The following AGAP1 variants were observed in gnomAD, a reference collection of about 807,000 sequenced individuals.
AGAP1 encodes the protein ArfGAP with GTPase domain, ankyrin repeat and PH domain 1, also known as arf-GAP with GTPase, ANK repeat and PH domain-containing protein 1.
Under a neutral mutation model 105.3 loss-of-function variants are expected in AGAP1, and 29 were observed. The ratio of observed to expected loss-of-function variants is 0.28; its 90% CI spans 0.21 to 0.38. The LOEUF (loss-of-function observed/expected upper bound fraction) is 0.38, where lower values mean the gene tolerates loss of function less well. Ranked by LOEUF, AGAP1 falls within the 10% of genes least tolerant of loss-of-function variation. The probability of loss-of-function intolerance (pLI) is 1.00; values close to 1 mark genes in which losing one functional copy is unlikely to be tolerated. For synonymous variants in AGAP1, 509 were observed against 485.9 expected, an observed-to-expected ratio of 1.05 and a Z score of -0.63; for missense variants, 998 against 1,165.1, an observed-to-expected ratio of 0.86 and a Z score of 2.09.
intron 1 of AGAP1, among the ~76,000 whole-genome samples, chr2:235,672,906 T>C (rs554913045): frequency 6.6e-6 from 1 of 152,350 alleles, no homozygotes; most frequent in East Asian, 1.9e-4. Context: ...ATAGTAATGC[T>C]CAGTTTGTTC....
In AGAP1 at chr2:235,785,060, T is replaced by G. The variant is rs76159311; in HGVS notation, c.674-12699T>G. Reference sequence around the variant, plus strand: ...CACAGGGCCACCGCTGCTGGCTCATTATTAACAGAGCAGGGAGGAGACGAA... The same window carrying G: ...CACAGGGCCACCGCTGCTGGCTCATGATTAACAGAGCAGGGAGGAGACGAA... On this transcript the variant is annotated intron_variant, in intron 6 of 17. Coordinates refer to ENST00000304032, the MANE Select transcript of AGAP1 (RefSeq NM_001037131.3). Among the ~76,000 whole-genome samples the G allele has an allele frequency of 1.5e-4, 23 of 152,340 alleles. No homozygotes were observed. In the East Asian group the frequency reaches 4.4e-3, roughly 29 times the overall value.
rs2049617223 is a variant in AGAP1 at position 235,874,593 on chromosome 2, G to A, written c.1051-8752G>A. Among the ~76,000 whole-genome samples, 1 of 152,206 alleles carries A rather than the reference G, an allele frequency of 6.6e-6. No homozygotes were observed. The highest frequency in any genetic ancestry group is 2.4e-5 in the African/African-American group (1 of 41,464). On this transcript the variant is annotated intron_variant, in intron 9 of 17. Coordinates refer to ENST00000304032, the MANE Select transcript of AGAP1 (RefSeq NM_001037131.3). The surrounding 1 kb of genome is among the most constrained non-coding windows in gnomAD (Gnocchi z 4.5). The stretch of plus-strand genomic sequence containing the variant: ...ACAGCAGACGGGTTTGGGTGGGACT[G>A]GAGTGAGCTCAAGATTCTGTGCAGG...
rs2055588341 is a variant in AGAP1, at chr2:235,992,060, G to A, written c.1645+23437G>A. On this transcript the variant is annotated intron_variant, in intron 13 of 17. Transcript: ENST00000304032. The surrounding 1 kb of genome is among the most constrained non-coding windows in gnomAD (Gnocchi z 4.8). ...TCAGTTGGTGTCTCCTCTGTCCACAGGACATGGCCGTAGCCGTGTGTGGAG... is the reference window on the plus strand; with the variant it reads ...TCAGTTGGTGTCTCCTCTGTCCACAAGACATGGCCGTAGCCGTGTGTGGAG... Among the ~76,000 whole-genome samples, 1 of 152,240 alleles carries A rather than the reference G, an allele frequency of 6.6e-6. No individual in the cohort carries two copies. Among genetic ancestry groups the A allele is most frequent in the African/African-American group, 2.4e-5 (1 of 41,476 alleles).
Position 235,566,517 on chromosome 2 carries a change from AATC to A in AGAP1, c.163+71673_163+71675del, listed in dbSNP as rs1944351458. On this transcript the variant is annotated intron_variant, in intron 1 of 17. Transcript: ENST00000304032. This position sits in a 1 kb window ranked among gnomAD's most constrained non-coding sequence, Gnocchi z 5.2. Reference sequence around the variant, plus strand: ...GCATTCATAAACAGTGAAAAGCACAAATCATCAGTGCGCCGTACGTTTTGGCCA... The same window carrying A: ...GCATTCATAAACAGTGAAAAGCACAAATCAGTGCGCCGTACGTTTTGGCCA... The A allele has an allele frequency of 1.1e-6, 1 of 936,736 alleles. No individual in the cohort carries two copies. The highest frequency in any genetic ancestry group is 1.3e-6 in the Non-Finnish European group (1 of 785,522). The allele number at this position is 936,736 out of a possible 1,614,324, so 58.0% of individuals were successfully genotyped here. A position where few individuals can be genotyped will look rare whatever the true frequency, so the allele number is the denominator to read the frequency against.
At chr2:235,933,655 C>T (rs944038688) in intron 12 of AGAP1, among the ~76,000 whole-genome samples, 2 of 151,800 alleles carry the variant, frequency 1.3e-5, no homozygotes, top group African/African-American at 4.8e-5. Flanking sequence ...GCCTCAGGCT[C>T]CCGAGTAGCT....
chr2:235,499,654 C>T (rs1015764966), intron 1 of AGAP1, among the ~76,000 whole-genome samples: 2 of 152,082 alleles, frequency 1.3e-5, no homozygotes, highest in East Asian at 1.9e-4. Flanking sequence ...TTTGAGATGC[C>T]GCCTTCTCTG....
chr2:235,971,422 C>T lies in AGAP1; in HGVS notation c.1645+2799C>T, dbSNP rs564062680. 2.6e-3 allele frequency among the ~76,000 whole-genome samples: 400 copies of T among 152,304 alleles called. No homozygotes were observed. Among genetic ancestry groups the T allele is most frequent in the Non-Finnish European group, 4.5e-3 (308 of 68,032 alleles). ...CCCAAATTAAACATTCTGTTCTGGC[C>T]GGGCACAGTGGCTCACGCCTGTTAT... On this transcript the variant is annotated intron_variant, in intron 13 of 17. Transcript: ENST00000304032. The surrounding 1 kb of genome is among the most constrained non-coding windows in gnomAD (Gnocchi z 4.8).
intron 6 of AGAP1, chr2:235,774,054 CAA>C (rs2149873771): frequency 2.3e-6 from 1 of 439,746 alleles, no homozygotes; most frequent in South Asian, 1.7e-5. Context: ...CTACGATGAA[CAA>C]AAGTTAAATT....
chr2:235,564,652 C>T (rs1183155769), intron 1 of AGAP1, among the ~76,000 whole-genome samples: 1 of 147,666 alleles, frequency 6.8e-6, no homozygotes, highest in African/African-American at 2.6e-5. Context: ...GAGCCTGGAC[C>T]ACCACCCAGG....
rs2050146700 is a variant in AGAP1, at chr2:235,883,878, G to T, written c.1155+429G>T. On this transcript the variant is annotated intron_variant, in intron 10 of 17. Transcript: ENST00000304032. The surrounding 1 kb of genome is among the most constrained non-coding windows in gnomAD (Gnocchi z 4.5). ...GAAGTCAAATGCAATTCATGACTCA[G>T]CTTTTATTGTCAGATAACACATTCC... Among the ~76,000 whole-genome samples, 1 of 152,170 alleles carries T rather than the reference G, an allele frequency of 6.6e-6. No individual in the cohort carries two copies. Among genetic ancestry groups the T allele is most frequent in the African/African-American group, 2.4e-5 (1 of 41,444 alleles).
At position 235,725,886 on chromosome 2, in the gene AGAP1, CATTATT is replaced by C. The variant is rs1235590754; in HGVS notation, c.310+8247_310+8252del. Among the ~76,000 whole-genome samples the C allele has an allele frequency of 6.6e-6, 1 of 152,126 alleles. No individual in the cohort carries two copies. Among genetic ancestry groups the C allele is most frequent in the Non-Finnish European group, 1.5e-5 (1 of 68,024 alleles). ...TCTAAAAATAGGTAAAGGATGCTAACATTATTATTAGATGTTCAAAAAAATAATAAA... is the reference window on the plus strand; with the variant it reads ...TCTAAAAATAGGTAAAGGATGCTAACATTAGATGTTCAAAAAAATAATAAA... On this transcript the variant is annotated intron_variant, in intron 3 of 17. Coordinates refer to ENST00000304032, the MANE Select transcript of AGAP1 (RefSeq NM_001037131.3). The surrounding 1 kb of genome is among the most constrained non-coding windows in gnomAD (Gnocchi z 5.7).
chr2:235,528,787 C>T (rs964712666), intron 1 of AGAP1, among the ~76,000 whole-genome samples: 1 of 152,150 alleles, frequency 6.6e-6, no homozygotes, highest in African/African-American at 2.4e-5. Flanking sequence ...AAGCAATTCT[C>T]CTGCCTCAGC....
Position 236,123,694 on chromosome 2 carries a change from G to A in AGAP1, c.2371-225G>A, listed in dbSNP as rs190640058. Among the ~76,000 whole-genome samples, 5 of 149,988 alleles carry A rather than the reference G, an allele frequency of 3.3e-5. No individual in the cohort carries two copies. The East Asian group carries it at 7.7e-4, about 23-fold the overall frequency. On this transcript the variant is annotated intron_variant, in intron 17 of 17. Coordinates refer to ENST00000304032, the MANE Select transcript of AGAP1 (RefSeq NM_001037131.3). The surrounding 1 kb of genome is among the most constrained non-coding windows in gnomAD (Gnocchi z 4.6). ...TTCCTTAATGTTGCACAAAGGAGGGGCTTTCAGTTGAAAAAAAAAGACATG... is the reference window on the plus strand; with the variant it reads ...TTCCTTAATGTTGCACAAAGGAGGGACTTTCAGTTGAAAAAAAAAGACATG...
intron 16 of AGAP1, among the ~76,000 whole-genome samples, chr2:236,077,531 C>G (rs906247981): frequency 6.6e-6 from 1 of 152,040 alleles, no homozygotes; most frequent in Non-Finnish European, 1.5e-5. Flanking sequence ...ATTGGTCAGG[C>G]TTGTCTCAAA....
chr2:235,589,539 C>T (rs1481722636), intron 1 of AGAP1, among the ~76,000 whole-genome samples: 1 of 152,042 alleles, frequency 6.6e-6, no homozygotes, highest in African/African-American at 2.4e-5. Flanking sequence ...TCTGAATTTC[C>T]CATCCAACCG....
chr2:235,643,173 G>A (rs974188392), intron 1 of AGAP1, among the ~76,000 whole-genome samples: 11 of 151,956 alleles, frequency 7.2e-5, no homozygotes, highest in Non-Finnish European at 1.3e-4. Flanking sequence ...TGGCTCGCAC[G>A]TGTAATACCA....
chr2:235,793,580 A>C lies in AGAP1; in HGVS notation c.674-4179A>C, dbSNP rs1957103112. On this transcript the variant is annotated intron_variant, in intron 6 of 17. Coordinates refer to ENST00000304032, the MANE Select transcript of AGAP1 (RefSeq NM_001037131.3). This position sits in a 1 kb window ranked among gnomAD's most constrained non-coding sequence, Gnocchi z 5.3. ...TGGTTTTTCTCACCTGCAAAATGAA[A>C]GAGCTGACAGGATGAAATGAGTTAA... Among the ~76,000 whole-genome samples, 3 of 152,156 alleles carry C rather than the reference A, an allele frequency of 2.0e-5. No homozygotes were observed. The highest frequency in any genetic ancestry group is 4.4e-5 in the Non-Finnish European group (3 of 68,046).
chr2:235,868,193 C>CT (rs201871354), intron 9 of AGAP1, among the ~76,000 whole-genome samples: 245 of 143,998 alleles, frequency 1.7e-3, no homozygotes, highest in Middle Eastern at 3.6e-3. Flanking sequence ...TCAAACATCA[C>CT]TTTTTTTTTT....
intron 1 of AGAP1, among the ~76,000 whole-genome samples, chr2:235,695,641 AC>A (rs1949960612): frequency 6.6e-6 from 1 of 152,184 alleles, no homozygotes; most frequent in African/African-American, 2.4e-5. Context: ...CTGTAAGCAT[AC>A]ATATTGGCAG....
Sources: gnomAD v4.1 joint callset for allele counts (sites outside exome capture counted in the v4.1 genomes callset) on GRCh38, gnomAD v4.1.1 for gene constraint, Gnocchi (gnomAD v3.1) non-coding constraint, MANE v1.5 for transcripts, NCBI Gene and HGNC (gene_info 2026-07-23, HGNC 2026-07-21) for gene names.